Variants in ADAMTSL1 observed in about 807,000 individuals in gnomAD.
ADAMTSL1 encodes the protein ADAMTS like 1.
ADAMTSL1 carries 126 observed loss-of-function variants against 201.8 expected under a neutral mutation model. The ratio of observed to expected loss-of-function variants is 0.62; its 90% confidence interval spans 0.54 to 0.72. The LOEUF is 0.72. Among genes scored for constraint, ADAMTSL1 ranks in the 30% least tolerant of loss-of-function variants. The pLI, the probability that ADAMTSL1 is intolerant of heterozygous loss-of-function variation, is 0.00. For synonymous variants in ADAMTSL1, 1,121 were observed against 903.4 expected (o/e 1.24, Z -4.32); for missense variants, 2,679 against 2,277.8 (o/e 1.18, Z -3.59).
chr9:18,315,765 A>G (rs1175557572), intron 2 of ADAMTSL1, among the ~76,000 whole-genome samples: 1 of 152,194 alleles, frequency 6.6e-6, no homozygotes, highest in Non-Finnish European at 1.5e-5. Context: ...GCCAACCTAG[A>G]GAGGGGCTCC....
intron 21 of ADAMTSL1, among the ~76,000 whole-genome samples, chr9:18,818,530 G>A (rs1311063232): frequency 6.6e-6 from 1 of 152,162 alleles, no homozygotes; most frequent in Non-Finnish European, 1.5e-5. Context: ...GGTGGCTCAC[G>A]CCTGTAATCT....
chr9:18,553,967 T>A (rs1383160808), intron 3 of ADAMTSL1, among the ~76,000 whole-genome samples: 1 of 151,870 alleles, frequency 6.6e-6, no homozygotes, highest in Non-Finnish European at 1.5e-5. Flanking sequence ...CTCACAAAAT[T>A]ATTTTCTCTA....
rs1307036060 is a variant in ADAMTSL1 at position 17,911,933 on chromosome 9, G to C, written c.87+5011G>C. Among the ~76,000 whole-genome samples the C allele has an allele frequency of 3.4e-4, 17 of 50,420 alleles. 2 individuals carry two copies. The highest frequency in any genetic ancestry group is 6.1e-4 in the African/African-American group (17 of 28,096). 33.1% of individuals were successfully genotyped at this position (50,420 alleles called of 152,430 possible). A position where few individuals can be genotyped will look rare whatever the true frequency, so the allele number is the denominator to read the frequency against. The stretch of plus-strand genomic sequence containing the variant: ...TCCCACCTATGAGTGAGAATATGCG[G>C]TGTTTGGTTTTTTGTTCTTGCAATA... On this transcript the variant is annotated intron_variant, in intron 1 of 29. Transcript: ENST00000680146.
At chr9:18,837,272 G>T (rs555136623) in intron 23 of ADAMTSL1, among the ~76,000 whole-genome samples, 1 of 152,164 alleles carries the variant, frequency 6.6e-6, no homozygotes, top group East Asian at 1.9e-4. Flanking sequence ...AGTTAGTTTT[G>T]TATATGATAT....
rs186737730 is a variant in ADAMTSL1, at chr9:18,494,059, G to A, written c.64-10770G>A. On this transcript the variant is annotated intron_variant, in intron 1 of 28. Transcript: ENST00000380548. ...CATTTGTATCAAGTCCTAGCAATAT[G>A]CTCAAAACACACAGGATGGCTGGGT... is the stretch of plus-strand genomic sequence containing the variant. Among the ~76,000 whole-genome samples the A allele has an allele frequency of 2.0e-5, 3 of 152,238 alleles. No individual in the cohort carries two copies. In the East Asian group the frequency reaches 5.8e-4, roughly 29 times the overall value.
chr9:18,503,091 C>G (rs1034472494), intron 1 of ADAMTSL1, among the ~76,000 whole-genome samples: 4 of 151,894 alleles, frequency 2.6e-5, no homozygotes, highest in African/African-American at 9.7e-5. Context: ...TATTTATACA[C>G]TGAACTATAC....
rs532218386 is a variant in ADAMTSL1 at position 17,990,587 on chromosome 9, T to G, written c.87+83665T>G. On this transcript the variant is annotated intron_variant, in intron 1 of 29. Coordinates refer to the ADAMTSL1 transcript ENST00000680146. ...TTGACCTTATTTATTGGCCTCACCT[T>G]GAGTTGAGCTCATTATACTTAATTT... 4.7e-4 allele frequency among the ~76,000 whole-genome samples: 71 copies of G among 152,236 alleles called. 1 individual carries two copies. Among genetic ancestry groups the G allele is most frequent in the East Asian group, 2.3e-3 (12 of 5,174 alleles).
chr9:18,795,932 G>C (rs964783568), intron 20 of ADAMTSL1, among the ~76,000 whole-genome samples: 3 of 152,150 alleles, frequency 2.0e-5, no homozygotes, highest in Admixed American at 2.0e-4. Context: ...GAAAGACTAC[G>C]ACCCATAAAT....
intron 1 of ADAMTSL1, among the ~76,000 whole-genome samples, chr9:17,921,326 T>A (rs555098249): frequency 5.3e-5 from 8 of 152,292 alleles, no homozygotes; most frequent in African/African-American, 1.9e-4. Context: ...CATGGTTTGG[T>A]GACTCCTTGT....
intron 2 of ADAMTSL1, among the ~76,000 whole-genome samples, chr9:18,262,146 A>C (rs372777917): frequency 3.3e-5 from 5 of 152,188 alleles, no homozygotes; most frequent in Admixed American, 2.6e-4. Context: ...TTTTAGATAA[A>C]TCTTACCAGA....
At chr9:18,224,905 C>G (rs1054873616) in intron 2 of ADAMTSL1, among the ~76,000 whole-genome samples, 5 of 152,148 alleles carry the variant, frequency 3.3e-5, no homozygotes, top group African/African-American at 1.2e-4. Flanking sequence ...TTATTTTCCA[C>G]TCTTTGTTTT....
At chr9:18,653,081 G>A (rs917893437) in intron 7 of ADAMTSL1, among the ~76,000 whole-genome samples, 6 of 152,180 alleles carry the variant, frequency 3.9e-5, no homozygotes, top group African/African-American at 7.2e-5. Context: ...GATGCCAAGC[G>A]TTTAGAACTG....
intron 1 of ADAMTSL1, among the ~76,000 whole-genome samples, chr9:17,969,222 C>G (rs929537352): frequency 6.6e-6 from 1 of 151,954 alleles, no homozygotes; most frequent in African/African-American, 2.4e-5. Context: ...AATCTAATTT[C>G]TCTCTGCTAT....
intron 26 of ADAMTSL1, among the ~76,000 whole-genome samples, chr9:18,898,248 A>G (rs1232172010): frequency 6.6e-6 from 1 of 152,332 alleles, no homozygotes; most frequent in African/African-American, 2.4e-5. Context: ...TTGTAACCCA[A>G]TGCAAAGAAG....
intron 2 of ADAMTSL1, among the ~76,000 whole-genome samples, chr9:18,460,094 G>A (rs1820752486): frequency 6.6e-6 from 1 of 152,112 alleles, no homozygotes; most frequent in African/African-American, 2.4e-5. Flanking sequence ...AAAACTGTTG[G>A]CACTCTCATT....
chr9:18,378,581 C>T (rs913570463), intron 2 of ADAMTSL1, among the ~76,000 whole-genome samples: 3 of 152,192 alleles, frequency 2.0e-5, no homozygotes, highest in Non-Finnish European at 4.4e-5. Flanking sequence ...ATTCCCCTGG[C>T]AATATCCCAT....
At chr9:17,982,561 G>A (rs978353448) in intron 1 of ADAMTSL1, among the ~76,000 whole-genome samples, 1 of 152,108 alleles carries the variant, frequency 6.6e-6, no homozygotes, top group Non-Finnish European at 1.5e-5. Context: ...GCAGTAAGCC[G>A]AGATCGTGCC....
intron 1 of ADAMTSL1, among the ~76,000 whole-genome samples, chr9:18,008,272 C>T (rs2131549705): frequency 6.6e-6 from 1 of 152,068 alleles, no homozygotes; most frequent in Non-Finnish European, 1.5e-5. Context: ...ATTGAGATTT[C>T]CACATTGTCC....
intron 2 of ADAMTSL1, among the ~76,000 whole-genome samples, chr9:18,365,014 A>T (rs532336997): frequency 1.3e-5 from 2 of 152,246 alleles, no homozygotes; most frequent in East Asian, 3.9e-4. Flanking sequence ...TTGAGTGGGG[A>T]CACAGAACCA....
Sources: gnomAD v4.1 joint callset for allele counts (sites outside exome capture counted in the v4.1 genomes callset) on GRCh38, gnomAD v4.1.1 for gene constraint, MANE v1.5 for transcripts, NCBI Gene and HGNC (gene_info 2026-07-23, HGNC 2026-07-21) for gene names.